Variants in ABCC4 observed in about 807,000 individuals in gnomAD.
The protein encoded by ABCC4 is ATP-binding cassette sub-family C member 4.
In ABCC4, 102 loss-of-function variants were observed where a neutral mutation model predicts 168.5. The ratio of observed to expected loss-of-function variants is 0.61; its 90% confidence interval spans 0.52 to 0.71. The LOEUF is 0.71. ABCC4 is among the 30% of genes least tolerant of loss of function. ABCC4 has a pLI of 0.00. For synonymous variants in ABCC4, 617 were observed against 590.7 expected (o/e 1.04, Z -0.65); for missense variants, 1,402 against 1,605.8 (o/e 0.87, Z 2.17).
chr13:95,064,258 GTGTATATATA>G (rs1171321485), intron 25 of ABCC4, among the ~76,000 whole-genome samples: 12 of 8,980 alleles, frequency 1.3e-3, no homozygotes, highest in East Asian at 0.011. Flanking sequence ...GTGTGTGTGT[GTGTATATATA>G]TATATATATA....
chr13:95,022,146 G>T (rs1031515465), intron 30 of ABCC4, among the ~76,000 whole-genome samples: 1 of 152,236 alleles, frequency 6.6e-6, no homozygotes, highest in Non-Finnish European at 1.5e-5. Flanking sequence ...GCATTGAAAT[G>T]CTGGCATATA....
intron 3 of ABCC4, among the ~76,000 whole-genome samples, chr13:95,241,168 T>G (rs969495279): frequency 5.9e-5 from 9 of 151,762 alleles, no homozygotes; most frequent in South Asian, 2.1e-4. Flanking sequence ...ATCGAGACCA[T>G]CCTGGCCAAC....
At chr13:95,126,671 A>T (rs1360770056) in intron 19 of ABCC4, among the ~76,000 whole-genome samples, 19 of 142,976 alleles carry the variant, frequency 1.3e-4, no homozygotes, top group African/African-American at 5.0e-4. Context: ...GTGTTACACC[A>T]AACTGTGTGC....
chr13:95,205,715 G>A (rs927321389), intron 8 of ABCC4, among the ~76,000 whole-genome samples: 1 of 152,234 alleles, frequency 6.6e-6, no homozygotes, highest in South Asian at 2.1e-4. Flanking sequence ...CCCAGCATCA[G>A]TGTTAAGAGG....
intron 8 of ABCC4, among the ~76,000 whole-genome samples, chr13:95,200,772 A>C (rs2038602555): frequency 6.6e-6 from 1 of 152,208 alleles, no homozygotes; most frequent in African/African-American, 2.4e-5. Flanking sequence ...ATGCCTGATG[A>C]AGCAGAATCT....
chr13:95,130,926 CAA>C (rs2035937620), intron 19 of ABCC4, among the ~76,000 whole-genome samples: 1 of 152,112 alleles, frequency 6.6e-6, no homozygotes, highest in Non-Finnish European at 1.5e-5. Context: ...GAAATACGAA[CAA>C]GAAAATGCTT....
At chr13:95,056,203 A>G (rs1276413714) in intron 26 of ABCC4, among the ~76,000 whole-genome samples, 1 of 152,136 alleles carries the variant, frequency 6.6e-6, no homozygotes, top group Non-Finnish European at 1.5e-5. Context: ...TCGCTCTCTT[A>G]AAATATACAC....
At chr13:95,138,181 T>C (rs1426205731) in intron 19 of ABCC4, among the ~76,000 whole-genome samples, 1 of 152,210 alleles carries the variant, frequency 6.6e-6, no homozygotes, top group Admixed American at 6.5e-5. Context: ...ATTCCACTTT[T>C]TAAATGACCA....
intron 19 of ABCC4, among the ~76,000 whole-genome samples, chr13:95,117,109 A>G (rs2035404120): frequency 6.6e-6 from 1 of 152,012 alleles, no homozygotes; most frequent in African/African-American, 2.4e-5. Context: ...CTGCACCTCA[A>G]TTTTCTTGTC....
intron 10 of ABCC4, 63 bp from the exon 11 acceptor site, chr13:95,186,955 A>T: frequency 1.4e-6 from 2 of 1,407,112 alleles, no homozygotes; most frequent in East Asian, 2.5e-5. Flanking sequence ...AAGCCACTGC[A>T]ATGCAGCCTT....
intron 1 of ABCC4, among the ~76,000 whole-genome samples, chr13:95,253,389 C>G (rs796601898): frequency 3.3e-5 from 5 of 152,184 alleles, no homozygotes; most frequent in African/African-American, 1.2e-4. Flanking sequence ...GCTAAGCCAA[C>G]AACATGCTGG....
chr13:95,061,117 T>C (rs755000057), intron 26 of ABCC4, among the ~76,000 whole-genome samples: 2 of 152,252 alleles, frequency 1.3e-5, no homozygotes, highest in African/African-American at 2.4e-5. Flanking sequence ...ATTGTATGGA[T>C]AGACCACGTT....
At chr13:95,190,706 C>T (rs965180966) in intron 9 of ABCC4, among the ~76,000 whole-genome samples, 4 of 152,152 alleles carry the variant, frequency 2.6e-5, no homozygotes, top group South Asian at 2.1e-4. Flanking sequence ...AAAATTGATA[C>T]TGTTAAGTAA....
chr13:95,246,742 C>T (rs2040115950), intron 3 of ABCC4, among the ~76,000 whole-genome samples: 1 of 152,174 alleles, frequency 6.6e-6, no homozygotes, highest in Admixed American at 6.5e-5. Context: ...ACAAGAAAAA[C>T]AATAATGACC....
intron 27 of ABCC4, among the ~76,000 whole-genome samples, chr13:95,046,654 T>C (rs779601244): frequency 6.6e-5 from 10 of 151,750 alleles, no homozygotes; most frequent in Non-Finnish European, 1.5e-4. Flanking sequence ...TGTAATCCCA[T>C]TAGGAGGCTG....
intron 4 of ABCC4, among the ~76,000 whole-genome samples, chr13:95,212,196 C>T (rs2038980088): frequency 7.7e-6 from 1 of 130,456 alleles, no homozygotes; most frequent in Non-Finnish European, 1.7e-5. Flanking sequence ...TTAAAAAATG[C>T]TATTATGCAA....
chr13:95,195,181 A>G (rs1269068159), intron 8 of ABCC4, among the ~76,000 whole-genome samples: 1 of 152,236 alleles, frequency 6.6e-6, no homozygotes, highest in Non-Finnish European at 1.5e-5. Context: ...ATTTTTTTCA[A>G]CAAGTATACT....
chr13:95,024,390 T>C (rs9805226), intron 30 of ABCC4, among the ~76,000 whole-genome samples: 1,705 of 152,194 alleles, frequency 0.011, 39 homozygotes, highest in African/African-American at 0.038. Flanking sequence ...TGTCCCTCTT[T>C]TCCTTCTTCT....
intron 4 of ABCC4, among the ~76,000 whole-genome samples, chr13:95,221,304 C>T (rs1277025514): frequency 1.3e-5 from 2 of 152,202 alleles, no homozygotes; most frequent in African/African-American, 4.8e-5. Flanking sequence ...TCATGGCTCA[C>T]TGAAGCCTCA....
Sources: gnomAD v4.1 joint callset for allele counts (sites outside exome capture counted in the v4.1 genomes callset) on GRCh38, gnomAD v4.1.1 for gene constraint, MANE v1.5 for transcripts, NCBI Gene and HGNC (gene_info 2026-07-23, HGNC 2026-07-21) for gene names.